The following PARP10 variants were observed in gnomAD, a reference collection of about 807,000 sequenced individuals.
The protein encoded by PARP10 is protein mono-ADP-ribosyltransferase PARP10.
PARP10 carries 56 observed loss-of-function variants against 82.4 expected under a neutral mutation model. The ratio of observed to expected loss-of-function variants is 0.68; its 90% CI spans 0.55 to 0.85. PARP10 has a LOEUF of 0.85. Among genes scored for constraint, PARP10 ranks in the 40% least tolerant of loss-of-function variants. PARP10 has a pLI of 0.00. For missense variants in PARP10, 1,227 were observed against 1,379.4 expected, an observed-to-expected ratio of 0.89 and a Z score of 1.75; for synonymous variants, 576 against 601.1, an observed-to-expected ratio of 0.96 and a Z score of 0.61.
rs1554748309 is a variant in PARP10 at position 143,983,563 on chromosome 8, C to T, written c.2026G>A (p.Ala676Thr). Residue 676 changes from alanine (A) to threonine (T), a missense_variant, in exon 8 of 11, where the codon GCT becomes ACT. Physicochemically the swap from Ala to Thr is moderately conservative, Grantham distance 58. Transcript: ENST00000313028. ...GTTAGGGCTTGCCGCAGGGCAGCAG[C>T]CTCCTCCTGCTCAGCCACCTGACCT... ...PQGQVAEQEEAAALRQALTLS... is the reference protein window; with the variant it reads ...PQGQVAEQEETAALRQALTLS... 1 of 1,606,322 alleles carries T rather than the reference C, an allele frequency of 6.2e-7. No individual in the cohort carries two copies. The highest frequency in any genetic ancestry group is 8.5e-7 in the Non-Finnish European group (1 of 1,176,548).
At position 143,984,550 on chromosome 8, in the gene PARP10, G is replaced by A. The variant is rs1554748697; in HGVS notation, c.1452C>T (p.Gly484=). The change falls in exon 5 of 11, where the codon GGC becomes GGT. Residue 484 remains glycine (G), a synonymous_variant. Transcript: ENST00000313028. ...GTCCTGAGGGGTCACTCACCCGAAA[G>A]CCAGTCATATCCGGTCCTTCAAGTG... The part of the protein sequence containing the change: ...LLPLEGPDMT[G]FRLCGAQASC... 1 of 1,609,204 alleles carries A rather than the reference G, an allele frequency of 6.2e-7. No individual in the cohort carries two copies. The highest frequency in any genetic ancestry group is 2.2e-5 in the East Asian group (1 of 44,836).
chr8:143,987,788 G>A (rs1834017206), upstream of PARP10, among the ~76,000 whole-genome samples: 1 of 152,130 alleles, frequency 6.6e-6, no homozygotes, highest in Admixed American at 6.5e-5. Flanking sequence ...CTACTCAGGA[G>A]GCTGAGTCAG....
At position 143,986,244 on chromosome 8, in the gene PARP10, G is replaced by A; in HGVS notation, c.3-11C>T. 3 of 1,613,844 alleles carry A rather than the reference G, an allele frequency of 1.9e-6. No homozygotes were observed. Among genetic ancestry groups the A allele is most frequent in the Non-Finnish European group, 2.5e-6 (3 of 1,179,784 alleles). ...TCCGCCATTGCAACCCTGGGACGGG[G>A]CATCAGGTGGGTAGGGAAACAGCCC... On this transcript the variant is annotated splice_polypyrimidine_tract_variant and intron_variant, in intron 1 of 10. Transcript: ENST00000313028.
chr8:143,988,466 CTTAT>C (rs1253874070), upstream of PARP10, among the ~76,000 whole-genome samples: 14 of 143,792 alleles, frequency 9.7e-5, no homozygotes, highest in South Asian at 2.3e-4. Flanking sequence ...TTTTTATTTA[CTTAT>C]TTATTTATTT....
chr8:144,012,375 T>G lies in PARP10; in HGVS notation c.-80+155A>C, dbSNP rs1401958897. The stretch of plus-strand genomic sequence containing the variant: ...AGGGCAAGGAAGAGGGCACAGCCTC[T>G]GACCTCACAATACCCAGGGCCCACT... On this transcript the variant is annotated intron_variant, in intron 1 of 3. Transcript: ENST00000530478. 1.8e-5 allele frequency: 12 copies of G among 675,410 alleles called. No individual in the cohort carries two copies. The Admixed American group carries it at 3.1e-4, about 18-fold the overall frequency. The allele number at this position is 675,410 out of a possible 1,614,324, so 41.8% of individuals were successfully genotyped here. A position where few individuals can be genotyped will look rare whatever the true frequency, so the allele number is the denominator to read the frequency against.
Position 143,982,985 on chromosome 8 carries a change from G to C in PARP10, c.2503C>G (p.Arg835Gly), listed in dbSNP as rs782062716. 1.2e-6 allele frequency: 2 copies of C among 1,613,928 alleles called. No individual in the cohort carries two copies. The highest frequency in any genetic ancestry group is 8.5e-7 in the Non-Finnish European group (1 of 1,180,016). ...GCGTCCAGGGTGTCGTAGAAGGCCCGCACCACCTCCTGGAACTCCCCGGTG... is the reference window on the plus strand; with the variant it reads ...GCGTCCAGGGTGTCGTAGAAGGCCCCCACCACCTCCTGGAACTCCCCGGTG... Reference protein sequence around the residue: ...ENTGEFQEVVRAFYDTLDAAR... With the variant: ...ENTGEFQEVVGAFYDTLDAAR... Residue 835 changes from arginine to glycine, a missense_variant, in exon 9 of 11, where the codon CGG becomes GGG. Transcript: ENST00000313028.
intron 9 of PARP10, among the ~76,000 whole-genome samples, chr8:143,982,111 C>G (rs1833877185): frequency 6.6e-6 from 1 of 152,020 alleles, no homozygotes; most frequent in Non-Finnish European, 1.5e-5. Context: ...GCATTTCTGA[C>G]CAGCTCCTGG....
rs1339720115 is a variant in PARP10, at chr8:144,012,586, TGAA to T, written c.-139_-137del. ...AGGCTGGTGCGGGAAAATGAGGAAC[TGAA>T]GAAGTTGGTGCGGCTCATTCGGGAG... On this transcript the variant is annotated 5_prime_UTR_variant, in exon 1 of 4. Coordinates refer to the PARP10 transcript ENST00000530478. 5.2e-6 allele frequency: 8 copies of T among 1,551,564 alleles called. No homozygotes were observed. The African/African-American group carries it at 9.6e-5, about 19-fold the overall frequency.
chr8:143,982,970 T>C lies in PARP10; in HGVS notation c.2518A>G (p.Thr840Ala). 2 of 1,613,660 alleles carry C rather than the reference T, an allele frequency of 1.2e-6. No individual in the cohort carries two copies. Among genetic ancestry groups the C allele is most frequent in the Non-Finnish European group, 1.7e-6 (2 of 1,179,972 alleles). The change falls in exon 9 of 11, where the codon ACC (threonine) becomes GCC (alanine). Residue 840 changes from threonine to alanine, a missense_variant. Transcript: ENST00000313028. The part of the protein sequence containing the change: ...FQEVVRAFYD[T>A]LDAARSSIRV... The stretch of plus-strand genomic sequence containing the variant: ...ATGCTGCTGCGGGCAGCGTCCAGGG[T>C]GTCGTAGAAGGCCCGCACCACCTCC...
chr8:143,990,177 C>T (rs1479900920), upstream of PARP10: 3 of 150,166 alleles, frequency 2.0e-5, no homozygotes, highest in African/African-American at 2.4e-5. The surrounding 1 kb of genome is among the most constrained non-coding windows in gnomAD (Gnocchi z 5.6). Flanking sequence ...CCGTGCGTAC[C>T]GGCCTGCGGC....
At position 144,012,424 on chromosome 8, in the gene PARP10, C is replaced by A. The variant is rs576211315; in HGVS notation, c.-80+106G>T. 9.1e-5 allele frequency: 105 copies of A among 1,150,428 alleles called. 1 individual carries two copies. In the South Asian group the frequency reaches 1.4e-3, roughly 15 times the overall value. The allele number at this position is 1,150,428 out of a possible 1,614,324, so 71.3% of individuals were successfully genotyped here. A position where few individuals can be genotyped will look rare whatever the true frequency, so the allele number is the denominator to read the frequency against. The stretch of plus-strand genomic sequence containing the variant: ...CTGGGCCAGCCTTGCAGACTCTGCA[C>A]CCTCCTTCAGCCCAGGCAAGGCCTG... On this transcript the variant is annotated intron_variant, in intron 1 of 3. Transcript: ENST00000530478.
chr8:143,985,787 A>T lies in PARP10; in HGVS notation c.370T>A (p.Cys124Ser). 1 of 1,612,302 alleles carries T rather than the reference A, an allele frequency of 6.2e-7. No homozygotes were observed. Among genetic ancestry groups the T allele is most frequent in the Non-Finnish European group, 8.5e-7 (1 of 1,179,546 alleles). Reference protein sequence around the residue: ...RASGLPVQPCCALASPRPDRA... With the variant: ...RASGLPVQPCSALASPRPDRA... Reference sequence around the variant, plus strand: ...TCTGGCCGGGGGCTGGCCAAGGCACAGCAAGGCTGTACTGGGAGCCCCGAG... The same window carrying T: ...TCTGGCCGGGGGCTGGCCAAGGCACTGCAAGGCTGTACTGGGAGCCCCGAG... Residue 124 changes from cysteine to serine, a missense_variant, in exon 3 of 11, where the codon TGT becomes AGT. Physicochemically the swap from Cys to Ser is moderately radical, Grantham distance 112 (BLOSUM62 -1). Transcript: ENST00000313028.
At position 143,977,871 on chromosome 8, in the gene PARP10, C is replaced by T. The variant is rs202087846; in HGVS notation, c.2731+36G>A. ...GGGCAAGGTCAGGGTGGTCGGGGTG[C>T]GCAGAGCCCCCGCCCCTGCCCGGCT... On this transcript the variant is annotated intron_variant, in intron 10 of 10. Coordinates refer to ENST00000313028, the MANE Select transcript of PARP10 (RefSeq NM_032789.5). 26 of 1,597,374 alleles carry T rather than the reference C, an allele frequency of 1.6e-5. No individual in the cohort carries two copies. The African/African-American group carries it at 2.9e-4, about 18-fold the overall frequency.
At chr8:143,995,996 G>T (rs917585185), upstream of PARP10, among the ~76,000 whole-genome samples, 1 of 152,084 alleles carries the variant, frequency 6.6e-6, no homozygotes. Context: ...GCAGAATGAC[G>T]CCTGCTTCCT....
chr8:143,993,261 C>T (rs1471437445), upstream of PARP10: 1 of 237,338 alleles, frequency 4.2e-6, no homozygotes, highest in African/African-American at 2.2e-5. Flanking sequence ...CCCCCCACCC[C>T]CCTGGAGTGC....
chr8:144,004,258 G>T (rs777649545), intron 1 of PARP10, among the ~76,000 whole-genome samples: 1 of 150,916 alleles, frequency 6.6e-6, no homozygotes, highest in Non-Finnish European at 1.5e-5. Flanking sequence ...CCCTGTCTCA[G>T]AAAAAAAAAG....
At chr8:143,992,809 A>C, upstream of PARP10, 1 of 1,613,798 alleles carries the variant, frequency 6.2e-7, no homozygotes, top group Non-Finnish European at 8.5e-7. Context: ...CTTCCTGTAC[A>C]TCCTCACCAT....
chr8:143,985,008 C>G lies in PARP10; in HGVS notation c.994G>C (p.Gly332Arg). 6.2e-7 allele frequency: 1 copy of G among 1,613,946 alleles called. No individual in the cohort carries two copies. Among genetic ancestry groups the G allele is most frequent in the Non-Finnish European group, 8.5e-7 (1 of 1,179,974 alleles). The change falls in exon 5 of 11, where the codon GGG becomes CGG. Residue 332 changes from glycine (G) to arginine (R), a missense_variant. Transcript: ENST00000313028. ...ATGGGACCTGTCCTCAGAGAGGTCC[C>G]TGACTGCCCTGGTTCCTGGCCAGAG... ...TGSGQEPGQS[G>R]TSLRTGPMGS... is the part of the protein sequence containing the mutation.
rs770763593 is a variant in PARP10 at position 143,984,706 on chromosome 8, T to C, written c.1296A>G (p.Pro432=). 2.0e-5 allele frequency: 32 copies of C among 1,613,598 alleles called. No homozygotes were observed. The highest frequency in any genetic ancestry group is 1.0e-4 in the Admixed American group (6 of 59,966). Residue 432 remains proline (P), a synonymous_variant, in exon 5 of 11, where the codon CCA becomes CCG. Coordinates refer to ENST00000313028, the MANE Select transcript of PARP10 (RefSeq NM_032789.5). Reference sequence around the variant, plus strand: ...CCTGCCCTGCCAGCTTCACACATCCTGGGCTCACAGGCCCTGCCTTCTCCA... The same window carrying C: ...CCTGCCCTGCCAGCTTCACACATCCCGGGCTCACAGGCCCTGCCTTCTCCA... ...GSLEKAGPVS[P]GCVKLAGQEG...
Sources: gnomAD v4.1 joint callset for allele counts (sites outside exome capture counted in the v4.1 genomes callset) on GRCh38, gnomAD v4.1.1 for gene constraint, Gnocchi (gnomAD v3.1) non-coding constraint, MANE v1.5 for transcripts, NCBI Gene and HGNC (gene_info 2026-07-23, HGNC 2026-07-21) for gene names.